The following RBM20 variants were observed in gnomAD, a reference collection of about 807,000 sequenced individuals.
RBM20 encodes the protein RNA binding motif protein 20.
In RBM20, 51 loss-of-function variants were observed where a neutral mutation model predicts 110.1. That is an observed-to-expected ratio of 0.46 (90% CI 0.37 to 0.59). The LOEUF (loss-of-function observed/expected upper bound fraction) is 0.59, where lower values mean the gene tolerates loss of function less well. Among genes scored for constraint, RBM20 ranks in the 20% least tolerant of loss-of-function variants. RBM20 has a pLI of 0.00. For synonymous variants in RBM20, 589 were observed against 618.2 expected (o/e 0.95, Z 0.70); for missense variants, 1,512 against 1,574.9 (o/e 0.96, Z 0.68).
At chr10:110,661,504 G>A (rs759516984) in intron 1 of RBM20, among the ~76,000 whole-genome samples, 3 of 152,188 alleles carry the variant, frequency 2.0e-5, no homozygotes, top group South Asian at 2.1e-4. Context: ...TAGGGGATTC[G>A]TGAATAACAC....
At chr10:110,655,044 T>C (rs1025296749) in intron 1 of RBM20, among the ~76,000 whole-genome samples, 12 of 152,186 alleles carry the variant, frequency 7.9e-5, no homozygotes, top group African/African-American at 2.7e-4. Context: ...AGAAAAATAG[T>C]ATTTATGAAA....
rs537783269 is a variant in RBM20 at position 110,671,761 on chromosome 10, C to T, written c.191+27116C>T. ...GATATATATATATATGTATATATATCGACATGCTTATTAACCGTATTTACA... is the reference window on the plus strand; with the variant it reads ...GATATATATATATATGTATATATATTGACATGCTTATTAACCGTATTTACA... On this transcript the variant is annotated intron_variant, in intron 1 of 13. Coordinates refer to ENST00000369519, the MANE Select transcript of RBM20 (RefSeq NM_001134363.3). Among the ~76,000 whole-genome samples the T allele has an allele frequency of 2.6e-5, 4 of 151,768 alleles. No individual in the cohort carries two copies. In the South Asian group the frequency reaches 6.2e-4, roughly 24 times the overall value.
Position 110,758,577 on chromosome 10 carries a change from G to C in RBM20, c.192-22224G>C, listed in dbSNP as rs77605115. On this transcript the variant is annotated intron_variant, in intron 1 of 13. Coordinates refer to ENST00000369519, the MANE Select transcript of RBM20 (RefSeq NM_001134363.3). ...GAGAAGATGACAGTAGCACTGGGACGTGAGTTTGAGACTCAGTCACATGAA... is the reference window on the plus strand; with the variant it reads ...GAGAAGATGACAGTAGCACTGGGACCTGAGTTTGAGACTCAGTCACATGAA... Among the ~76,000 whole-genome samples, 1,171 of 152,172 alleles carry C rather than the reference G, an allele frequency of 7.7e-3. 14 individuals are homozygous for C. Among genetic ancestry groups the C allele is most frequent in the East Asian group, 0.051 (265 of 5,168 alleles).
intron 1 of RBM20, among the ~76,000 whole-genome samples, chr10:110,702,166 C>T (rs941048060): frequency 1.3e-5 from 2 of 152,176 alleles, no homozygotes; most frequent in African/African-American, 4.8e-5. Context: ...AAGTTGCTCT[C>T]AAGTGTTAAA....
intron 13 of RBM20, among the ~76,000 whole-genome samples, chr10:110,834,004 G>C (rs1264437260): frequency 2.0e-5 from 3 of 152,214 alleles, no homozygotes; most frequent in Non-Finnish European, 4.4e-5. Context: ...GGGACCAGAG[G>C]TTGCTCCTAA....
chr10:110,799,831 C>T lies in RBM20; in HGVS notation c.1713C>T (p.Val571=). The T allele has an allele frequency of 6.4e-7, 1 of 1,551,594 alleles. No homozygotes were observed. Among genetic ancestry groups the T allele is most frequent in the African/African-American group, 1.4e-5 (1 of 73,120 alleles). Residue 571 remains valine, a synonymous_variant, in exon 7 of 14, where the codon GTC becomes GTT. Transcript: ENST00000369519. Reference sequence around the variant, plus strand: ...ACACAGAAGCTGCACAGGCCATGGTCCAGTATTATCAAGAAAAATCTGCTG... The same window carrying T: ...ACACAGAAGCTGCACAGGCCATGGTTCAGTATTATCAAGAAAAATCTGCTG... ...MAYTEAAQAM[V]QYYQEKSAVI... is the part of the protein sequence containing the mutation.
At chr10:110,793,207 A>C (rs1392597195) in intron 5 of RBM20, among the ~76,000 whole-genome samples, 1 of 152,284 alleles carries the variant, frequency 6.6e-6, no homozygotes, top group East Asian at 1.9e-4. Flanking sequence ...TGGGGATTGA[A>C]CCCAGGCCCT....
At chr10:110,717,554 G>A (rs1266466462) in intron 1 of RBM20, among the ~76,000 whole-genome samples, 1 of 152,212 alleles carries the variant, frequency 6.6e-6, no homozygotes, top group African/African-American at 2.4e-5. Context: ...TGAGTGTGAG[G>A]TGGAGAGAGT....
rs1259089626 is a variant in RBM20 at position 110,781,244 on chromosome 10, T to A, written c.635T>A (p.Val212Asp). The A allele has an allele frequency of 6.4e-7, 1 of 1,551,688 alleles. No individual in the cohort carries two copies. The highest frequency in any genetic ancestry group is 8.7e-7 in the Non-Finnish European group (1 of 1,146,996). Residue 212 changes from valine (V) to aspartate (D), a missense_variant, in exon 2 of 14, where the codon GTC becomes GAC. By Grantham distance (152) the Val-to-Asp change is radical. This residue lies in a region of RBM20 where 1,149 missense variants were observed against 1,169.4 expected (regional missense o/e 0.98). Transcript: ENST00000369519. ...VMPQTPGQPA[V>D]ILGIGKTGPA... ...CCTCAGACCCCTGGCCAGCCAGCAG[T>A]CATCTTGGGCATTGGCAAGACTGGG...
At chr10:110,757,018 T>C (rs540943626) in intron 1 of RBM20, among the ~76,000 whole-genome samples, 2 of 152,322 alleles carry the variant, frequency 1.3e-5, no homozygotes, top group East Asian at 3.9e-4. Context: ...ATTTGTTCCC[T>C]CAGCAAGAAT....
rs191086846 is a variant in RBM20 at position 110,684,192 on chromosome 10, C to T, written c.191+39547C>T. ...GGTGGATCGCCTGAGGTCAGGAGTT[C>T]GAGACCAGCCTGGCCAGCATGATGA... On this transcript the variant is annotated intron_variant, in intron 1 of 13. Coordinates refer to ENST00000369519, the MANE Select transcript of RBM20 (RefSeq NM_001134363.3). Among the ~76,000 whole-genome samples the T allele has an allele frequency of 9.9e-4, 151 of 152,156 alleles. 1 individual carries two copies. The highest frequency in any genetic ancestry group is 3.3e-3 in the African/African-American group (139 of 41,524).
At chr10:110,653,360 C>A (rs1564806392) in intron 1 of RBM20, among the ~76,000 whole-genome samples, 3 of 152,150 alleles carry the variant, frequency 2.0e-5, no homozygotes, top group Non-Finnish European at 4.4e-5. Context: ...TGCATTCTTG[C>A]TTGCCCTTGA....
chr10:110,647,849 A>G (rs1175467640), intron 1 of RBM20, among the ~76,000 whole-genome samples: 1 of 152,228 alleles, frequency 6.6e-6, no homozygotes, highest in East Asian at 1.9e-4. Flanking sequence ...CCAGTTTTAA[A>G]GCACTCATTA....
At position 110,836,010 on chromosome 10, in the gene RBM20, G is replaced by A. The variant is rs1398231208; in HGVS notation, c.*32G>A. The A allele has an allele frequency of 2.3e-6, 2 of 879,160 alleles. No individual in the cohort carries two copies. Among genetic ancestry groups the A allele is most frequent in the South Asian group, 1.6e-5 (1 of 62,496 alleles). The allele number at this position is 879,160 out of a possible 1,614,324, so 54.5% of individuals were successfully genotyped here. On this transcript the variant is annotated 3_prime_UTR_variant, in exon 14 of 14. Coordinates refer to ENST00000369519, the MANE Select transcript of RBM20 (RefSeq NM_001134363.3). ...TGCTTCTGCTGCTACTGCTGCTGCT[G>A]CAAGGTTGGAAAGGAGAGCTTGCTG...
intron 2 of RBM20, among the ~76,000 whole-genome samples, chr10:110,782,750 C>A (rs1326370842): frequency 6.6e-6 from 1 of 151,972 alleles, no homozygotes; most frequent in Non-Finnish European, 1.5e-5. Context: ...GTCCTGCCTC[C>A]CATCTCTCAT....
At chr10:110,833,162 G>A (rs540349466) in intron 13 of RBM20, among the ~76,000 whole-genome samples, 5 of 151,702 alleles carry the variant, frequency 3.3e-5, no homozygotes, top group Admixed American at 2.0e-4. Flanking sequence ...AGACCGAGGC[G>A]GGTGGATCAC....
At chr10:110,657,843 CCAATGATATTTTAACCTTTTA>C (rs1421587076) in intron 1 of RBM20, among the ~76,000 whole-genome samples, 1 of 152,130 alleles carries the variant, frequency 6.6e-6, no homozygotes, top group African/African-American at 2.4e-5. Context: ...AATTTCTAGG[CCAATGATATTTTAACCTTTTA>C]GGATCACAAA....
intron 1 of RBM20, among the ~76,000 whole-genome samples, chr10:110,763,031 T>C (rs779902139): frequency 6.6e-6 from 1 of 152,140 alleles, no homozygotes; most frequent in Non-Finnish European, 1.5e-5. Flanking sequence ...TAGGTGTCTG[T>C]GACTGAGTCA....
chr10:110,771,935 A>G (rs1304055839), intron 1 of RBM20, among the ~76,000 whole-genome samples: 1 of 152,232 alleles, frequency 6.6e-6, no homozygotes, highest in Non-Finnish European at 1.5e-5. Context: ...GTTTTAAAAT[A>G]TACATTTCGA....
Sources: allele counts gnomAD v4.1 joint callset (sites outside exome capture counted in the v4.1 genomes callset), GRCh38; gene constraint gnomAD v4.1.1; regional missense constraint gnomAD v4.1.1; transcripts MANE v1.5; gene names NCBI Gene and HGNC (gene_info 2026-07-23, HGNC 2026-07-21).